PRKG1: variants seen among roughly 807,000 people sequenced by gnomAD.
The protein encoded by PRKG1 is protein kinase cGMP-dependent 1.
A neutral mutation model predicts 88.1 loss-of-function variants in PRKG1; 35 were observed. That is an observed-to-expected ratio of 0.40 (90% confidence interval 0.30 to 0.53). PRKG1 has a LOEUF of 0.53. PRKG1 is among the 20% of genes least tolerant of loss of function. The probability of loss-of-function intolerance (pLI) is 0.59; values close to 1 mark genes in which losing one functional copy is unlikely to be tolerated. For missense variants in PRKG1, 540 were observed against 839.8 expected (o/e 0.64, Z 4.41); for synonymous variants, 303 against 292.5 (o/e 1.04, Z -0.37).
At chr10:51,888,268 T>C (rs1314239507) in intron 4 of PRKG1, among the ~76,000 whole-genome samples, 1 of 152,240 alleles carries the variant, frequency 6.6e-6, no homozygotes, top group Non-Finnish European at 1.5e-5. Flanking sequence ...AATAATGACA[T>C]GCTTTTTGCC....
intron 2 of PRKG1, among the ~76,000 whole-genome samples, chr10:51,464,386 C>T (rs1158628474): frequency 6.6e-6 from 1 of 152,114 alleles, no homozygotes; most frequent in African/African-American, 2.4e-5. Flanking sequence ...CAGTGTTTAA[C>T]TTAGCCTGGA....
chr10:51,438,199 C>CAAAAAAA (rs557801971), intron 2 of PRKG1, among the ~76,000 whole-genome samples: 1 of 148,492 alleles, frequency 6.7e-6, no homozygotes, highest in African/African-American at 2.5e-5. Flanking sequence ...TTAGACTTAC[C>CAAAAAAA]AAAAAAAAAA....
At chr10:51,768,036 C>T (rs899574072) in intron 3 of PRKG1, among the ~76,000 whole-genome samples, 1 of 150,000 alleles carries the variant, frequency 6.7e-6, no homozygotes, top group African/African-American at 2.5e-5. Flanking sequence ...AATAAAAAAA[C>T]GTTTTAAAAT....
chr10:51,272,113 A>G (rs1053651116), intron 2 of PRKG1, among the ~76,000 whole-genome samples: 5 of 152,162 alleles, frequency 3.3e-5, no homozygotes, highest in Non-Finnish European at 7.4e-5. Context: ...CTCCATTCTA[A>G]CTGGTGTGAA....
Position 51,229,625 on chromosome 10 carries a change from T to G in PRKG1, c.478+76295T>G, listed in dbSNP as rs1564647051. ...ACACATAAAAATGGGACTAAAAGCTTCAGTTCAGAAATTTAGTAATGGGCC... is the reference window on the plus strand; with the variant it reads ...ACACATAAAAATGGGACTAAAAGCTGCAGTTCAGAAATTTAGTAATGGGCC... On this transcript the variant is annotated intron_variant, in intron 2 of 17. Transcript: ENST00000373980. Among the ~76,000 whole-genome samples the G allele has an allele frequency of 1.3e-5, 2 of 152,062 alleles. 1 individual carries two copies. The highest frequency in any genetic ancestry group is 3.9e-4 in the East Asian group (2 of 5,192).
chr10:51,154,569 C>A (rs922902656), intron 2 of PRKG1, among the ~76,000 whole-genome samples: 4 of 151,912 alleles, frequency 2.6e-5, no homozygotes, highest in Admixed American at 2.0e-4. Context: ...CTATTAAAAT[C>A]TTGACAGTAT....
chr10:52,139,266 G>A (rs1837510040), intron 8 of PRKG1, among the ~76,000 whole-genome samples: 1 of 152,130 alleles, frequency 6.6e-6, no homozygotes, highest in Non-Finnish European at 1.5e-5. Context: ...ACAAATTGGT[G>A]TCTGTATTAA....
At chr10:52,229,156 T>C (rs1840465608) in intron 9 of PRKG1, among the ~76,000 whole-genome samples, 1 of 152,190 alleles carries the variant, frequency 6.6e-6, no homozygotes, top group Non-Finnish European at 1.5e-5. Context: ...ATTTATTTTA[T>C]TTTCAAAATT....
rs533591475 is a variant in PRKG1, at chr10:51,550,949, A to G, written c.592+83113A>G. Among the ~76,000 whole-genome samples the G allele has an allele frequency of 5.9e-5, 9 of 152,086 alleles. No individual in the cohort carries two copies. The East Asian group carries it at 1.7e-3, about 29-fold the overall frequency. ...TCATTGGAAAGTATGTGTTGGGGTCAACTAATGAGTCTCTAGGAGGATGCT... is the reference window on the plus strand; with the variant it reads ...TCATTGGAAAGTATGTGTTGGGGTCGACTAATGAGTCTCTAGGAGGATGCT... On this transcript the variant is annotated intron_variant, in intron 3 of 17. Transcript: ENST00000373980.
At chr10:51,039,954 TATC>T (rs1475667823) in intron 1 of PRKG1, among the ~76,000 whole-genome samples, 9 of 152,294 alleles carry the variant, frequency 5.9e-5, no homozygotes, top group African/African-American at 1.9e-4. Context: ...TCAGGCCAGT[TATC>T]ATGCTATTTT....
intron 3 of PRKG1, among the ~76,000 whole-genome samples, chr10:51,494,357 A>T (rs563335335): frequency 6.6e-6 from 1 of 152,234 alleles, no homozygotes; most frequent in Non-Finnish European, 1.5e-5. Context: ...AAAGAAAAAG[A>T]AAAAGGAGCT....
rs550682547 is a variant in PRKG1, at chr10:52,297,284, T to G, written c.*3384T>G. On this transcript the variant is annotated 3_prime_UTR_variant, in exon 18 of 18. Transcript: ENST00000373980. The stretch of plus-strand genomic sequence containing the variant: ...CATAATTGTCAGTATTATTGAAAAT[T>G]ATGTCAACTGTACTGTTATTCATCT... The G allele has an allele frequency of 2.0e-5, 3 of 152,260 alleles. No individual in the cohort carries two copies. The highest frequency in any genetic ancestry group is 7.2e-5 in the African/African-American group (3 of 41,560). The allele number at this position is 152,260 out of a possible 1,614,324, so 9.4% of individuals were successfully genotyped here.
chr10:52,016,448 C>T (rs1214936495), intron 5 of PRKG1, among the ~76,000 whole-genome samples: 1 of 152,132 alleles, frequency 6.6e-6, no homozygotes, highest in East Asian at 1.9e-4. Context: ...CAGATCACTC[C>T]CATGACATGT....
At chr10:51,764,922 A>G (rs1838119159) in intron 3 of PRKG1, among the ~76,000 whole-genome samples, 1 of 152,194 alleles carries the variant, frequency 6.6e-6, no homozygotes, top group African/African-American at 2.4e-5. Context: ...GCAAGAAGGC[A>G]TGTTTCATGA....
chr10:51,823,868 T>C (rs75541561), intron 4 of PRKG1, among the ~76,000 whole-genome samples: 443 of 21,850 alleles, frequency 0.02, 1 homozygote, highest in African/African-American at 0.072. Flanking sequence ...TCTCTCTCCT[T>C]TTTTTTTTTT....
At chr10:51,601,926 C>G (rs184264575) in intron 3 of PRKG1, among the ~76,000 whole-genome samples, 43 of 151,630 alleles carry the variant, frequency 2.8e-4, no homozygotes, top group Non-Finnish European at 5.7e-4. Flanking sequence ...TTGATGCTGA[C>G]AGCTCTTCAT....
At chr10:51,479,890 A>G (rs555035431) in intron 3 of PRKG1, among the ~76,000 whole-genome samples, 1 of 152,046 alleles carries the variant, frequency 6.6e-6, no homozygotes, top group Non-Finnish European at 1.5e-5. Context: ...TTTTGTGATG[A>G]CAGTCTGGCA....
chr10:51,021,440 A>G (rs1188077815), intron 1 of PRKG1, among the ~76,000 whole-genome samples: 2 of 152,182 alleles, frequency 1.3e-5, no homozygotes, highest in Non-Finnish European at 2.9e-5. Context: ...AAATCTAGGA[A>G]ACTTTCCTAT....
rs921672676 is a variant in PRKG1 at position 50,991,327 on chromosome 10, C to T, written c.-52C>T. On this transcript the variant is annotated 5_prime_UTR_variant, in exon 1 of 18. Coordinates refer to the PRKG1 transcript ENST00000401604. The surrounding 1 kb of genome is among the most constrained non-coding windows in gnomAD (Gnocchi z 4.5). ...GCCGTCCCAGCCGCCGCCGCCGCCG[C>T]CGCCGCCGCCGCCGCCCGAGAAAAA... 1 of 1,488,192 alleles carries T rather than the reference C, an allele frequency of 6.7e-7. No individual in the cohort carries two copies. The highest frequency in any genetic ancestry group is 1.9e-4 in the Middle Eastern group (1 of 5,208). 92.2% of individuals were successfully genotyped at this position (1,488,192 alleles called of 1,614,324 possible). A position where few individuals can be genotyped will look rare whatever the true frequency, so the allele number is the denominator to read the frequency against.
Sources: gnomAD v4.1 joint callset for allele counts (sites outside exome capture counted in the v4.1 genomes callset) on GRCh38, gnomAD v4.1.1 for gene constraint, Gnocchi (gnomAD v3.1) non-coding constraint, MANE v1.5 for transcripts, NCBI Gene and HGNC (gene_info 2026-07-23, HGNC 2026-07-21) for gene names.